ASPRV1: variants seen among roughly 807,000 people sequenced by gnomAD.
The protein encoded by ASPRV1 is retroviral-like aspartic protease 1.
Under a neutral mutation model 11.0 loss-of-function variants are expected in ASPRV1, and 7 were observed. The observed-to-expected ratio is 0.64, with a 90% CI of 0.36 to 1.20. The LOEUF (loss-of-function observed/expected upper bound fraction) is 1.20. Ranked by LOEUF, ASPRV1 falls within the 50% of genes most tolerant of loss-of-function variation. ASPRV1 has a pLI of 0.02. For missense variants in ASPRV1, 299 were observed against 320.0 expected (o/e 0.93, Z 0.50); for synonymous variants, 136 against 138.4 (o/e 0.98, Z 0.12).
At chr2:69,993,751 C>T in the ASPRV1 span, 1 of 152,256 alleles carries the variant, frequency 6.6e-6, no homozygotes, top group Admixed American at 6.5e-5. Context: ...ATCATTATCC[C>T]TATGGAATGG....
chr2:70,033,367 T>G, the ASPRV1 span, among the ~76,000 whole-genome samples: 1 of 151,960 alleles, frequency 6.6e-6, no homozygotes, highest in Non-Finnish European at 1.5e-5. Flanking sequence ...CCTGAAGGTA[T>G]GAAAAGACTG....
the ASPRV1 span, chr2:69,938,179 C>T: frequency 3.3e-5 from 54 of 1,614,090 alleles, no homozygotes; most frequent in Admixed American, 2.0e-4. Context: ...GCGACTCTGA[C>T]GAGCGGGGCA....
At chr2:70,061,871 G>A in the ASPRV1 span, among the ~76,000 whole-genome samples, 1 of 151,870 alleles carries the variant, frequency 6.6e-6, no homozygotes, top group Non-Finnish European at 1.5e-5. Context: ...GCTGAGGCAG[G>A]AGAATCTCTT....
the ASPRV1 span, among the ~76,000 whole-genome samples, chr2:70,073,860 G>A: frequency 2.6e-5 from 4 of 152,000 alleles, no homozygotes; most frequent in Admixed American, 2.6e-4. Context: ...ACAGCCAGGT[G>A]CGGTGACTCA....
the ASPRV1 span, among the ~76,000 whole-genome samples, chr2:70,061,053 G>A: frequency 6.6e-6 from 1 of 152,050 alleles, no homozygotes; most frequent in African/African-American, 2.4e-5. Context: ...TTTATATAGA[G>A]CGGCCAGAAA....
chr2:69,944,666 G>A, the ASPRV1 span, among the ~76,000 whole-genome samples: 2 of 147,922 alleles, frequency 1.4e-5, no homozygotes, highest in Non-Finnish European at 3.0e-5. Context: ...GCCTTTGAAC[G>A]AGGCTACCTA....
upstream of ASPRV1, chr2:69,963,030 C>T (rs1572877063): frequency 3.0e-6 from 1 of 337,712 alleles, no homozygotes. Context: ...CCCTCTTCAG[C>T]TCCCTATGCC....
At chr2:69,945,089 C>G in the ASPRV1 span, among the ~76,000 whole-genome samples, 9 of 152,088 alleles carry the variant, frequency 5.9e-5, no homozygotes, top group African/African-American at 2.2e-4. Flanking sequence ...CCCACTTAGG[C>G]CTTCCCATCA....
chr2:69,996,214 CAAAAAAAAAAAA>C, the ASPRV1 span, among the ~76,000 whole-genome samples: 6 of 53,890 alleles, frequency 1.1e-4, no homozygotes, highest in East Asian at 1.3e-3. Context: ...CCCCATCTCT[CAAAAAAAAAAAA>C]AAAAAAAAAA....
At chr2:70,004,297 C>A in the ASPRV1 span, among the ~76,000 whole-genome samples, 1 of 151,898 alleles carries the variant, frequency 6.6e-6, no homozygotes, top group Non-Finnish European at 1.5e-5. Context: ...TTTGGGAGGC[C>A]GAGGCGGGCG....
At chr2:69,973,473 G>C in the ASPRV1 span, among the ~76,000 whole-genome samples, 17 of 152,206 alleles carry the variant, frequency 1.1e-4, no homozygotes, top group Non-Finnish European at 1.8e-4. Flanking sequence ...CTGGGCTCAA[G>C]AGATCCTCCT....
At chr2:70,048,107 CAAA>C in the ASPRV1 span, among the ~76,000 whole-genome samples, 1 of 32,492 alleles carries the variant, frequency 3.1e-5, no homozygotes, top group Non-Finnish European at 6.2e-5. Context: ...GACTCCATCT[CAAA>C]AAAAAAAAAA....
chr2:70,038,344 T>C, the ASPRV1 span, among the ~76,000 whole-genome samples: 1 of 152,176 alleles, frequency 6.6e-6, no homozygotes, highest in Non-Finnish European at 1.5e-5. Flanking sequence ...GCCAGTGGCC[T>C]GGGCAACCAG....
At chr2:69,991,558 T>A in the ASPRV1 span, among the ~76,000 whole-genome samples, 98 of 152,170 alleles carry the variant, frequency 6.4e-4, no homozygotes, top group African/African-American at 2.1e-3. Flanking sequence ...TTATTTGTTA[T>A]TTTTTTGAGA....
chr2:70,006,438 A>C, the ASPRV1 span, among the ~76,000 whole-genome samples: 1 of 152,188 alleles, frequency 6.6e-6, no homozygotes, highest in South Asian at 2.1e-4. Context: ...TGCAGATGGA[A>C]AGAAAATGGG....
chr2:69,935,311 T>C, the ASPRV1 span: 19 of 1,477,258 alleles, frequency 1.3e-5, no homozygotes, highest in African/African-American at 2.6e-4. Flanking sequence ...TCTGGCCCAC[T>C]GTGAAACTCT....
chr2:69,979,941 A>G, the ASPRV1 span, among the ~76,000 whole-genome samples: 15 of 152,214 alleles, frequency 9.9e-5, no homozygotes, highest in Non-Finnish European at 1.9e-4. Context: ...TAGTACCTGA[A>G]CAGGCCTAAA....
chr2:70,025,106 T>C, the ASPRV1 span, among the ~76,000 whole-genome samples: 1 of 152,238 alleles, frequency 6.6e-6, no homozygotes, highest in Non-Finnish European at 1.5e-5. Context: ...ATTATTTTCA[T>C]ACCAGCTTAT....
At chr2:70,012,882 G>C in the ASPRV1 span, among the ~76,000 whole-genome samples, 1 of 152,106 alleles carries the variant, frequency 6.6e-6, no homozygotes, top group Non-Finnish European at 1.5e-5. Flanking sequence ...TTGGGTATTT[G>C]GCAAACATTT....
Sources: gnomAD v4.1 joint callset for allele counts (sites outside exome capture counted in the v4.1 genomes callset) on GRCh38, gnomAD v4.1.1 for gene constraint, MANE v1.5 for transcripts, NCBI Gene and HGNC (gene_info 2026-07-23, HGNC 2026-07-21) for gene names.